The following HIBCH variants were observed in gnomAD, a reference collection of about 807,000 sequenced individuals.
HIBCH encodes 3-hydroxyisobutyryl-CoA hydrolase, mitochondrial.
Under a neutral mutation model 58.2 loss-of-function variants are expected in HIBCH, and 50 were observed. That is an observed-to-expected ratio of 0.86 (90% CI 0.68 to 1.09). The LOEUF (loss-of-function observed/expected upper bound fraction) is 1.09, where lower values mean the gene tolerates loss of function less well. HIBCH is among the 50% of genes least tolerant of loss of function. The pLI, the probability that HIBCH is intolerant of heterozygous loss-of-function variation, is 0.00. For synonymous variants in HIBCH, 151 were observed against 146.9 expected, an observed-to-expected ratio of 1.03 and a Z score of -0.20; for missense variants, 450 against 449.7, an observed-to-expected ratio of 1.00 and a Z score of -0.01.
At chr2:190,205,869 G>A (rs1041333447) in intron 13 of HIBCH, among the ~76,000 whole-genome samples, 3 of 151,424 alleles carry the variant, frequency 2.0e-5, no homozygotes, top group Non-Finnish European at 2.9e-5. Context: ...TAACTTCTCC[G>A]AAAAAAAAGG....
At chr2:190,270,281 A>T (rs200630370) in intron 6 of HIBCH, among the ~76,000 whole-genome samples, 30,910 of 109,970 alleles carry the variant, frequency 0.28, 3,867 homozygotes, top group Admixed American at 0.43. Context: ...TTTTTTTTTT[A>T]AAAAAAAAGA....
chr2:190,238,389 A>C (rs1487821579), intron 11 of HIBCH, among the ~76,000 whole-genome samples: 1 of 152,098 alleles, frequency 6.6e-6, no homozygotes, highest in Non-Finnish European at 1.5e-5. Flanking sequence ...TAGTTACCTC[A>C]TTGTGGTTTT....
intron 1 of HIBCH, among the ~76,000 whole-genome samples, chr2:190,192,930 C>G (rs1342952332): frequency 6.6e-6 from 1 of 151,984 alleles, no homozygotes; most frequent in Non-Finnish European, 1.5e-5. Flanking sequence ...TTAAAATTTT[C>G]TCTATACAAT....
chr2:190,237,766 T>C (rs1686321990), intron 11 of HIBCH, among the ~76,000 whole-genome samples: 1 of 152,118 alleles, frequency 6.6e-6, no homozygotes, highest in Non-Finnish European at 1.5e-5. Flanking sequence ...ACCCGTCATC[T>C]AGGTTTTAAG....
At chr2:190,213,293 C>T (rs1278131930) in intron 11 of HIBCH, 1 of 524,210 alleles carries the variant, frequency 1.9e-6, no homozygotes, top group African/African-American at 1.9e-5. Flanking sequence ...GTAGCTGTGA[C>T]TAATAAAATA....
intron 6 of HIBCH, among the ~76,000 whole-genome samples, chr2:190,269,353 C>T (rs934095283): frequency 1.3e-5 from 2 of 152,018 alleles, no homozygotes; most frequent in Non-Finnish European, 1.5e-5. Context: ...GGTCTAATAT[C>T]CAGAATCTAC....
intron 6 of HIBCH, among the ~76,000 whole-genome samples, chr2:190,266,952 T>G (rs1316105746): frequency 1.3e-5 from 2 of 151,554 alleles, no homozygotes; most frequent in Non-Finnish European, 2.9e-5. Flanking sequence ...AGATGGGGTT[T>G]CACCACGTTG....
chr2:190,220,491 G>A (rs1243855795), intron 11 of HIBCH: 1 of 152,008 alleles, frequency 6.6e-6, no homozygotes, highest in Non-Finnish European at 1.5e-5. Context: ...CTGCTGAAGA[G>A]AAAAGATGAG....
intron 5 of HIBCH, among the ~76,000 whole-genome samples, chr2:190,288,638 G>T (rs1024332069): frequency 1.1e-4 from 17 of 151,994 alleles, no homozygotes; most frequent in African/African-American, 3.9e-4. Flanking sequence ...TTATGGAATG[G>T]TTACACAGTA....
intron 11 of HIBCH, among the ~76,000 whole-genome samples, chr2:190,227,827 A>G (rs551076826): frequency 6.6e-6 from 1 of 152,378 alleles, no homozygotes; most frequent in East Asian, 1.9e-4. Context: ...TGGCCATCAG[A>G]GAAATGTAAA....
chr2:190,292,528 C>G (rs1177565734), intron 4 of HIBCH, among the ~76,000 whole-genome samples: 2 of 152,192 alleles, frequency 1.3e-5, no homozygotes, highest in East Asian at 1.9e-4. Context: ...CCAGGCTGGT[C>G]TCGAACTCTT....
chr2:190,248,574 G>T (rs1438456098), intron 9 of HIBCH, among the ~76,000 whole-genome samples: 1 of 152,122 alleles, frequency 6.6e-6, no homozygotes, highest in African/African-American at 2.4e-5. Flanking sequence ...AAGAAGACTT[G>T]TGGAAGGGCC....
intron 6 of HIBCH, among the ~76,000 whole-genome samples, chr2:190,274,715 G>A (rs1471643127): frequency 6.6e-6 from 1 of 152,138 alleles, no homozygotes; most frequent in Non-Finnish European, 1.5e-5. Flanking sequence ...CCAAGAGGGA[G>A]CCTAAAACTC....
At chr2:190,310,527 C>CCCAT (rs1688530442) in intron 2 of HIBCH, among the ~76,000 whole-genome samples, 1 of 152,086 alleles carries the variant, frequency 6.6e-6, no homozygotes, top group Non-Finnish European at 1.5e-5. Flanking sequence ...AAGTAGTGAA[C>CCCAT]CCATTATTTA....
At chr2:190,200,987 G>A (rs1169576029), downstream of HIBCH, 1 of 166,932 alleles carries the variant, frequency 6.0e-6, no homozygotes, top group African/African-American at 2.4e-5. Context: ...GAGGTACAGA[G>A]GGCTGGAATA....
At chr2:190,264,777 A>G (rs1053324443) in intron 6 of HIBCH, among the ~76,000 whole-genome samples, 1 of 152,158 alleles carries the variant, frequency 6.6e-6, no homozygotes, top group African/African-American at 2.4e-5. Context: ...GCAAAAGTGC[A>G]CACATTTTGG....
At chr2:190,196,197 C>A (rs1455157449) in intron 1 of HIBCH, among the ~76,000 whole-genome samples, 1 of 151,942 alleles carries the variant, frequency 6.6e-6, no homozygotes, top group African/African-American at 2.4e-5. Flanking sequence ...TATCTAATTC[C>A]TTTCCTCATA....
intron 4 of HIBCH, among the ~76,000 whole-genome samples, chr2:190,291,100 T>C (rs1276393192): frequency 6.6e-6 from 1 of 152,244 alleles, no homozygotes; most frequent in African/African-American, 2.4e-5. Context: ...TAGACATACA[T>C]TTCCTTTGGT....
rs559838485 is a variant in HIBCH, at chr2:190,242,165, A to G, written c.891+2722T>C. ...TTGGAGGCTTTGTTCATTCTTTTTC[A>G]TTCTCATTTCTCTAATCTTGTCTTC... On this transcript the variant is annotated intron_variant, in intron 11 of 13. Transcript: ENST00000359678. Among the ~76,000 whole-genome samples, 23 of 151,836 alleles carry G rather than the reference A, an allele frequency of 1.5e-4. No individual in the cohort carries two copies. The South Asian group carries it at 4.8e-3, about 32-fold the overall frequency.
Sources: gnomAD v4.1 joint callset for allele counts (sites outside exome capture counted in the v4.1 genomes callset) on GRCh38, gnomAD v4.1.1 for gene constraint, MANE v1.5 for transcripts, NCBI Gene and HGNC (gene_info 2026-07-23, HGNC 2026-07-21) for gene names.